Variants in ROR1 observed in about 807,000 individuals in gnomAD.
ROR1 encodes ROR family WNT receptor 1, also known as inactive tyrosine-protein kinase transmembrane receptor ROR1.
A neutral mutation model predicts 78.8 loss-of-function variants in ROR1; 19 were observed. The ratio of observed to expected loss-of-function variants is 0.24; its 90% confidence interval spans 0.17 to 0.35. The LOEUF is 0.35. Among genes scored for constraint, ROR1 ranks in the 10% least tolerant of loss-of-function variants. ROR1 has a pLI of 1.00. For synonymous variants in ROR1, 386 were observed against 433.6 expected, an observed-to-expected ratio of 0.89 and a Z score of 1.36; for missense variants, 917 against 1,177.8, an observed-to-expected ratio of 0.78 and a Z score of 3.24.
chr1:63,975,617 C>T (rs1199019091), intron 1 of ROR1, among the ~76,000 whole-genome samples: 1 of 152,126 alleles, frequency 6.6e-6, no homozygotes, highest in Non-Finnish European at 1.5e-5. Context: ...AATTGCTGAA[C>T]ACACACGAAG....
intron 1 of ROR1, among the ~76,000 whole-genome samples, chr1:63,777,192 T>C (rs1410411322): frequency 6.6e-6 from 1 of 152,232 alleles, no homozygotes; most frequent in Non-Finnish European, 1.5e-5. Flanking sequence ...GGAACCTACC[T>C]GGCCTTTCTC....
At chr1:63,826,048 C>T (rs1644951149) in intron 1 of ROR1, among the ~76,000 whole-genome samples, 2 of 152,136 alleles carry the variant, frequency 1.3e-5, no homozygotes, top group South Asian at 2.1e-4. Flanking sequence ...ATGAATAAGA[C>T]TGATTTCCCT....
At chr1:63,968,347 C>T (rs1646092346) in intron 1 of ROR1, among the ~76,000 whole-genome samples, 2 of 152,128 alleles carry the variant, frequency 1.3e-5, no homozygotes, top group East Asian at 1.9e-4. Context: ...ATATTTTGTT[C>T]CACCTCAGCT....
At chr1:64,153,085 G>A (rs1373767820) in intron 7 of ROR1, among the ~76,000 whole-genome samples, 1 of 152,108 alleles carries the variant, frequency 6.6e-6, no homozygotes, top group Non-Finnish European at 1.5e-5. Flanking sequence ...GTCAGTTAAA[G>A]ATTGGCCCGA....
chr1:64,004,034 G>C (rs779949927), intron 1 of ROR1, among the ~76,000 whole-genome samples: 1 of 152,144 alleles, frequency 6.6e-6, no homozygotes, highest in Admixed American at 6.5e-5. Flanking sequence ...CTCAAAGCTC[G>C]GCCTCTGAGA....
At chr1:63,997,033 A>G (rs1646342452) in intron 1 of ROR1, among the ~76,000 whole-genome samples, 1 of 145,510 alleles carries the variant, frequency 6.9e-6, no homozygotes, top group African/African-American at 2.4e-5. Context: ...AGTGCTACCT[A>G]AATACAAGGT....
chr1:63,799,234 A>G (rs964535004), intron 1 of ROR1, among the ~76,000 whole-genome samples: 2 of 137,992 alleles, frequency 1.4e-5, no homozygotes, highest in East Asian at 2.0e-4. Flanking sequence ...TAAAGTTGAC[A>G]TACAAACAGC....
intron 4 of ROR1, among the ~76,000 whole-genome samples, chr1:64,087,940 C>A (rs1647166666): frequency 6.6e-6 from 1 of 152,074 alleles, no homozygotes; most frequent in Non-Finnish European, 1.5e-5. Context: ...AGAGAAAGGC[C>A]AGTACACTGG....
rs10709706 is a variant in ROR1 at position 64,179,024 on chromosome 1, GAAAAAAAAAAA to G, written c.*181_*191del. ...ACCAAGCAGGACAGACACTCGGCCAGAAAAAAAAAAAAAAAAAAAAAACAAGCAAACAAAAA... is the reference window on the plus strand; with the variant it reads ...ACCAAGCAGGACAGACACTCGGCCAGAAAAAAAAAAACAAGCAAACAAAAA... On this transcript the variant is annotated 3_prime_UTR_variant, in exon 9 of 9. Coordinates refer to ENST00000371079, the MANE Select transcript of ROR1 (RefSeq NM_005012.4). 1.3e-5 allele frequency: 2 copies of G among 156,920 alleles called. No homozygotes were observed. Among genetic ancestry groups the G allele is most frequent in the Non-Finnish European group, 2.3e-5 (2 of 88,020 alleles). The allele number at this position is 156,920 out of a possible 1,614,324, so 9.7% of individuals were successfully genotyped here.
At chr1:63,985,413 T>C (rs1646242768) in intron 1 of ROR1, among the ~76,000 whole-genome samples, 1 of 152,140 alleles carries the variant, frequency 6.6e-6, no homozygotes, top group African/African-American at 2.4e-5. Context: ...AATCCAAATG[T>C]TAATTCGAAT....
intron 8 of ROR1, among the ~76,000 whole-genome samples, chr1:64,172,677 C>T (rs780213245): frequency 1.9e-4 from 29 of 152,112 alleles, no homozygotes; most frequent in Non-Finnish European, 1.3e-4. Flanking sequence ...TTTGTACATC[C>T]CTGTATGACA....
At chr1:63,990,613 C>G (rs1311436702) in intron 1 of ROR1, among the ~76,000 whole-genome samples, 1 of 152,152 alleles carries the variant, frequency 6.6e-6, no homozygotes, top group Non-Finnish European at 1.5e-5. Context: ...TCCCAAACCT[C>G]TATTCCTGAG....
At chr1:64,032,031 C>T (rs962682039) in intron 2 of ROR1, among the ~76,000 whole-genome samples, 9 of 152,060 alleles carry the variant, frequency 5.9e-5, no homozygotes, top group African/African-American at 2.2e-4. Context: ...AGGTATCTTC[C>T]TCCTCTTCCA....
intron 2 of ROR1, among the ~76,000 whole-genome samples, chr1:64,033,200 A>G (rs2100571911): frequency 6.6e-6 from 1 of 152,362 alleles, no homozygotes; most frequent in Admixed American, 6.5e-5. Context: ...CCCTATGCAC[A>G]TGCATCCCCA....
intron 1 of ROR1, among the ~76,000 whole-genome samples, chr1:63,982,697 A>G (rs1365641632): frequency 6.6e-6 from 1 of 152,204 alleles, no homozygotes; most frequent in East Asian, 1.9e-4. Flanking sequence ...CTTTCAATAC[A>G]TTAGAATATT....
chr1:63,949,325 C>A (rs189050489), intron 1 of ROR1, among the ~76,000 whole-genome samples: 48 of 152,204 alleles, frequency 3.2e-4, no homozygotes, highest in African/African-American at 1.2e-3. Context: ...CACTCCATTC[C>A]CCACCCCCCA....
At chr1:64,106,604 A>G (rs2100665011) in intron 4 of ROR1, 1 of 152,248 alleles carries the variant, frequency 6.6e-6, no homozygotes, top group Non-Finnish European at 1.5e-5. Context: ...TTTGTCATAA[A>G]CAGCTCTTTT....
At chr1:63,883,912 A>G (rs930658616) in intron 1 of ROR1, among the ~76,000 whole-genome samples, 4 of 152,208 alleles carry the variant, frequency 2.6e-5, no homozygotes, top group African/African-American at 9.6e-5. Context: ...GGAAGAACAC[A>G]GTGCATGTGC....
chr1:64,031,529 C>T (rs772148256), intron 2 of ROR1, among the ~76,000 whole-genome samples: 5 of 152,202 alleles, frequency 3.3e-5, no homozygotes, highest in Non-Finnish European at 7.3e-5. Flanking sequence ...GTTCTTTTTC[C>T]CAAAGCCAGG....
Sources: allele counts gnomAD v4.1 joint callset (sites outside exome capture counted in the v4.1 genomes callset), GRCh38; gene constraint gnomAD v4.1.1; transcripts MANE v1.5; gene names NCBI Gene and HGNC (gene_info 2026-07-23, HGNC 2026-07-21).